PLEKHH2: variants seen among roughly 807,000 people sequenced by gnomAD.
The protein encoded by PLEKHH2 is pleckstrin homology domain-containing family H member 2.
A neutral mutation model predicts 187.9 loss-of-function variants in PLEKHH2; 129 were observed. That is an observed-to-expected ratio of 0.69 (90% CI 0.59 to 0.79). The LOEUF is 0.79. Ranked by LOEUF, PLEKHH2 falls within the 30% of genes least tolerant of loss-of-function variation. PLEKHH2 has a pLI of 0.00. For missense variants in PLEKHH2, 2,076 were observed against 1,751.2 expected (o/e 1.19, Z -3.31); for synonymous variants, 686 against 605.6 (o/e 1.13, Z -1.95).
Position 43,734,820 on chromosome 2 carries a change from C to G in PLEKHH2, c.2943+3218C>G, listed in dbSNP as rs191853067. Among the ~76,000 whole-genome samples the G allele has an allele frequency of 4.6e-5, 7 of 152,176 alleles. No individual in the cohort carries two copies. In the East Asian group the frequency reaches 1.4e-3, roughly 29 times the overall value. Reference sequence around the variant, plus strand: ...TTCCTATATTTATTATAGCACTGTTCACAAGAACCGATATATGGAATCAAC... The same window carrying G: ...TTCCTATATTTATTATAGCACTGTTGACAAGAACCGATATATGGAATCAAC... On this transcript the variant is annotated intron_variant, in intron 19 of 29. Coordinates refer to ENST00000282406, the MANE Select transcript of PLEKHH2 (RefSeq NM_172069.4).
intron 2 of PLEKHH2, among the ~76,000 whole-genome samples, chr2:43,655,732 A>G (rs1053311434): frequency 6.6e-6 from 1 of 152,206 alleles, no homozygotes; most frequent in African/African-American, 2.4e-5. Flanking sequence ...CACTTGGGGT[A>G]GGATGATTAT....
intron 24 of PLEKHH2, among the ~76,000 whole-genome samples, chr2:43,746,590 C>T (rs1010261586): frequency 1.3e-5 from 2 of 152,098 alleles, no homozygotes; most frequent in African/African-American, 4.8e-5. Flanking sequence ...AATAGTTGCT[C>T]TCTTAGAGTA....
intron 3 of PLEKHH2, among the ~76,000 whole-genome samples, chr2:43,679,952 C>T (rs1021880058): frequency 1.3e-5 from 2 of 152,088 alleles, no homozygotes; most frequent in Non-Finnish European, 2.9e-5. Flanking sequence ...GGTGTGAGCT[C>T]ACTGTGCTCA....
chr2:43,668,335 T>G (rs1054855258), intron 2 of PLEKHH2, among the ~76,000 whole-genome samples: 1 of 152,184 alleles, frequency 6.6e-6, no homozygotes, highest in Non-Finnish European at 1.5e-5. Flanking sequence ...CCTGGCCACA[T>G]TCTTATTTTT....
intron 28 of PLEKHH2, among the ~76,000 whole-genome samples, 198 bp downstream of exon 28, chr2:43,762,588 C>T (rs575376272): frequency 2.2e-3 from 329 of 152,194 alleles, no homozygotes; most frequent in African/African-American, 7.6e-3. Flanking sequence ...TAAGACAGGT[C>T]GTTTATTGTG....
At chr2:43,639,959 A>G (rs1558397013) in intron 1 of PLEKHH2, among the ~76,000 whole-genome samples, 1 of 151,886 alleles carries the variant, frequency 6.6e-6, no homozygotes, top group African/African-American at 2.4e-5. Context: ...ACCCAGCCAG[A>G]TCTACTACAT....
intron 2 of PLEKHH2, chr2:43,675,909 G>C: frequency 6.2e-7 from 1 of 1,614,116 alleles, no homozygotes; most frequent in Non-Finnish European, 8.5e-7. Flanking sequence ...GTGCAAGGAA[G>C]AACCAGTTGT....
intron 28 of PLEKHH2, among the ~76,000 whole-genome samples, 160 bp downstream of exon 28, chr2:43,762,550 G>C (rs1403948069): frequency 2.0e-5 from 3 of 152,138 alleles, no homozygotes; most frequent in African/African-American, 7.2e-5. Flanking sequence ...ATACAGCTAT[G>C]ATTATAATTT....
chr2:43,734,883 C>T (rs1183990121), intron 19 of PLEKHH2, among the ~76,000 whole-genome samples: 3 of 152,112 alleles, frequency 2.0e-5, no homozygotes, highest in Non-Finnish European at 4.4e-5. Flanking sequence ...TAATGATGGG[C>T]CGGGCCAGTG....
At chr2:43,708,497 A>G (rs75880535) in intron 11 of PLEKHH2, among the ~76,000 whole-genome samples, 20,972 of 152,130 alleles carry the variant, frequency 0.14, 1,702 homozygotes, top group Middle Eastern at 0.25. Flanking sequence ...TGCTTTCTCA[A>G]TGAGGTCCAC....
In PLEKHH2 at chr2:43,753,754, A is replaced by G; in HGVS notation, c.3789A>G (p.Leu1263=). The G allele has an allele frequency of 6.4e-7, 1 of 1,572,654 alleles. No individual in the cohort carries two copies. Among genetic ancestry groups the G allele is most frequent in the South Asian group, 1.2e-5 (1 of 81,228 alleles). Residue 1263 remains leucine, a synonymous_variant, in exon 25 of 30, where the codon TTA becomes TTG. Coordinates refer to ENST00000282406, the MANE Select transcript of PLEKHH2 (RefSeq NM_172069.4). ...TGGCATTAGAAATGGCAGCTCTTTT[A>G]TCTCAGGTAACTTCCATGTTATATG... is the stretch of plus-strand genomic sequence containing the variant. ...KDLALEMAAL[L]SQVEIGDFER...
At chr2:43,715,434 G>A (rs1299371536) in intron 15 of PLEKHH2, among the ~76,000 whole-genome samples, 1 of 152,148 alleles carries the variant, frequency 6.6e-6, no homozygotes, top group East Asian at 1.9e-4. Flanking sequence ...TTGAAACCCT[G>A]CAGGGTTTGT....
intron 8 of PLEKHH2, among the ~76,000 whole-genome samples, chr2:43,701,120 T>G (rs867535136): frequency 4.1e-4 from 62 of 152,212 alleles, no homozygotes; most frequent in Non-Finnish European, 3.4e-4. Context: ...TTTTAGAGAA[T>G]TAGTGGGCAA....
chr2:43,680,421 A>T (rs1668109841), intron 3 of PLEKHH2: 1 of 156,450 alleles, frequency 6.4e-6, no homozygotes, highest in Non-Finnish European at 1.4e-5. Flanking sequence ...GTATCAACTA[A>T]AAACAAAAGA....
At chr2:43,759,695 TA>T (rs1302382489) in intron 27 of PLEKHH2, among the ~76,000 whole-genome samples, 2 of 152,264 alleles carry the variant, frequency 1.3e-5, no homozygotes, top group Non-Finnish European at 2.9e-5. Context: ...GTTTGTTTTA[TA>T]CTCACTATTA....
chr2:43,747,404 A>G (rs1671828076), intron 24 of PLEKHH2, among the ~76,000 whole-genome samples: 1 of 152,110 alleles, frequency 6.6e-6, no homozygotes, highest in South Asian at 2.1e-4. Flanking sequence ...TGATGTTTAT[A>G]CCAAGTTCAG....
At position 43,704,042 on chromosome 2, in the gene PLEKHH2, A is replaced by G; in HGVS notation, c.1712A>G (p.Glu571Gly). 6.3e-7 allele frequency: 1 copy of G among 1,593,068 alleles called. No individual in the cohort carries two copies. Among genetic ancestry groups the G allele is most frequent in the Non-Finnish European group, 8.6e-7 (1 of 1,166,266 alleles). ...GIRMSEAFNM[E>G]SVNKNSAATL... ...CGAATGTCTGAGGCCTTCAATATGG[A>G]GAGTGTTAATAAAAGTAAGTGCTTT... Residue 571 changes from glutamate to glycine, a missense_variant, in exon 9 of 30, where the codon GAG becomes GGG. By Grantham distance (98) the Glu-to-Gly change is moderately conservative. Coordinates refer to ENST00000282406, the MANE Select transcript of PLEKHH2 (RefSeq NM_172069.4).
At position 43,695,146 on chromosome 2, in the gene PLEKHH2, G is replaced by T. The variant is rs761272172; in HGVS notation, c.424G>T (p.Glu142Ter). 1.9e-6 allele frequency: 3 copies of T among 1,579,982 alleles called. No individual in the cohort carries two copies. The highest frequency in any genetic ancestry group is 2.7e-5 in the African/African-American group (2 of 74,222). ...GAATACCATTATGTTCTCTTAGCTG[G>T]AATTGGAGAATCAGAATCTTCGTTT... The part of the protein sequence containing the change: ...EWVTVKLNEL[E>*]LENQNLRLIN... Residue 142 changes from glutamate (E) to a stop codon, truncating the protein, a stop_gained, in exon 6 of 30, where the codon GAA becomes TAA. Transcript: ENST00000282406. LOFTEE classifies it high-confidence loss of function.
intron 2 of PLEKHH2, among the ~76,000 whole-genome samples, chr2:43,645,348 T>C (rs560170635): frequency 1.2e-4 from 18 of 152,290 alleles, no homozygotes; most frequent in South Asian, 4.1e-4. Flanking sequence ...AACCAATAGA[T>C]TTGTTCATTT....
Sources: gnomAD v4.1 joint callset for allele counts (sites outside exome capture counted in the v4.1 genomes callset) on GRCh38, gnomAD v4.1.1 for gene constraint, MANE v1.5 for transcripts, NCBI Gene and HGNC (gene_info 2026-07-23, HGNC 2026-07-21) for gene names.